ADARB2: variants seen among roughly 807,000 people sequenced by gnomAD.
The protein encoded by ADARB2 is adenosine deaminase RNA specific B2 (inactive).
A neutral mutation model predicts 62.2 loss-of-function variants in ADARB2; 25 were observed. The observed-to-expected ratio is 0.40, with a 90% CI of 0.29 to 0.56. ADARB2 has a LOEUF of 0.56. ADARB2 is among the 20% of genes least tolerant of loss of function. ADARB2 has a pLI of 0.43. For synonymous variants in ADARB2, 572 were observed against 500.8 expected (o/e 1.14, Z -1.90); for missense variants, 1,071 against 1,077.4 (o/e 0.99, Z 0.08).
chr10:1,551,775 G>A (rs533134101), intron 1 of ADARB2, among the ~76,000 whole-genome samples: 1 of 152,210 alleles, frequency 6.6e-6, no homozygotes, highest in Non-Finnish European at 1.5e-5. Context: ...TGGCCAAATC[G>A]AAGGTCCTGC....
At chr10:1,443,551 G>T (rs1159703368) in intron 1 of ADARB2, among the ~76,000 whole-genome samples, 2 of 152,112 alleles carry the variant, frequency 1.3e-5, no homozygotes, top group African/African-American at 2.4e-5. Context: ...TCGCCTCTGT[G>T]TGTGGGACCA....
At chr10:1,581,826 ATGTGTG>A (rs56180704) in intron 1 of ADARB2, among the ~76,000 whole-genome samples, 7,493 of 148,314 alleles carry the variant, frequency 0.051, 227 homozygotes, top group Admixed American at 0.06. Context: ...TTAGAAATAG[ATGTGTG>A]TGTGTGTGTG....
At chr10:1,538,771 G>T (rs547486120) in intron 1 of ADARB2, among the ~76,000 whole-genome samples, 3 of 152,354 alleles carry the variant, frequency 2.0e-5, no homozygotes, top group East Asian at 3.9e-4. Context: ...CAGGAACTCA[G>T]CAGAAATCAG....
intron 3 of ADARB2, among the ~76,000 whole-genome samples, chr10:1,332,476 G>GTTT (rs759566790): frequency 0.011 from 1,368 of 130,248 alleles, 24 homozygotes; most frequent in Middle Eastern, 0.046. Context: ...ACTAGCATCA[G>GTTT]TTTTGTTTTT....
chr10:1,227,080 T>C (rs7092481), intron 6 of ADARB2, among the ~76,000 whole-genome samples: 120,797 of 152,258 alleles, frequency 0.79, 48,161 homozygotes, highest in African/African-American at 0.88. Flanking sequence ...GCTTTGTTTA[T>C]CTAATCAAAC....
chr10:1,691,114 G>A (rs1834667023), intron 1 of ADARB2, among the ~76,000 whole-genome samples: 1 of 152,152 alleles, frequency 6.6e-6, no homozygotes, highest in Admixed American at 6.5e-5. Context: ...CCTTCAAAGA[G>A]GCAATTAAGT....
In ADARB2 at chr10:1,327,765, TCACAGCTCAGCGCCTCCC is replaced by T. The variant is rs1206596980; in HGVS notation, c.1077+35245_1077+35262del. On this transcript the variant is annotated intron_variant, in intron 3 of 9. Transcript: ENST00000381312. The stretch of plus-strand genomic sequence containing the variant: ...CAGCGCCTCACTGCACAGCGCCTCC[TCACAGCTCAGCGCCTCCC>T]CACAGCACAGCGCCTCCTCACAGTT... 1.8e-5 allele frequency among the ~76,000 whole-genome samples: 2 copies of T among 113,538 alleles called. 1 individual carries two copies. Among genetic ancestry groups the T allele is most frequent in the Non-Finnish European group, 3.8e-5 (2 of 52,918 alleles). 74.5% of individuals were successfully genotyped at this position (113,538 alleles called of 152,430 possible). A position where few individuals can be genotyped will look rare whatever the true frequency, so the allele number is the denominator to read the frequency against.
intron 1 of ADARB2, among the ~76,000 whole-genome samples, chr10:1,608,544 G>A (rs1304094491): frequency 6.7e-6 from 1 of 150,242 alleles, no homozygotes; most frequent in African/African-American, 2.5e-5. Flanking sequence ...AGGAAAGTGG[G>A]AAGGAAGAGA....
chr10:1,645,273 T>C (rs961076586), intron 1 of ADARB2, among the ~76,000 whole-genome samples: 1 of 152,240 alleles, frequency 6.6e-6, no homozygotes, highest in Non-Finnish European at 1.5e-5. Flanking sequence ...TACAGCCCAC[T>C]GGATGGGCTC....
At chr10:1,602,991 C>T (rs1233340420) in intron 1 of ADARB2, among the ~76,000 whole-genome samples, 1 of 150,724 alleles carries the variant, frequency 6.6e-6, no homozygotes, top group East Asian at 1.9e-4. Context: ...CGTGCACACA[C>T]ACCAACACAC....
chr10:1,414,435 C>T (rs956349976), intron 1 of ADARB2, among the ~76,000 whole-genome samples: 2 of 152,188 alleles, frequency 1.3e-5, no homozygotes, highest in African/African-American at 4.8e-5. Flanking sequence ...GGATAGAATC[C>T]AGGGCTCGTG....
At chr10:1,586,729 T>C (rs189161244) in intron 1 of ADARB2, among the ~76,000 whole-genome samples, 2 of 152,330 alleles carry the variant, frequency 1.3e-5, no homozygotes, top group East Asian at 3.9e-4. Context: ...GATTATTTAA[T>C]GTCAGTGGAA....
chr10:1,529,756 G>A lies in ADARB2; in HGVS notation c.101-150596C>T, dbSNP rs554095013. Among the ~76,000 whole-genome samples, 529 of 152,316 alleles carry A rather than the reference G, an allele frequency of 3.5e-3. 3 individuals carry two copies. Among genetic ancestry groups the A allele is most frequent in the Non-Finnish European group, 4.9e-3 (331 of 68,028 alleles). On this transcript the variant is annotated intron_variant, in intron 1 of 9. Coordinates refer to ENST00000381312, the MANE Select transcript of ADARB2 (RefSeq NM_018702.4). ...AGAAACTATTGGTTGTGAGACTTGC[G>A]GGCAGTGCTGCTGCATGTAGAGGGC...
chr10:1,613,264 ATG>A (rs1833593124), intron 1 of ADARB2, among the ~76,000 whole-genome samples: 1 of 152,248 alleles, frequency 6.6e-6, no homozygotes, highest in Non-Finnish European at 1.5e-5. Context: ...CATGCCTGAA[ATG>A]TGTGTCTTGT....
intron 2 of ADARB2, among the ~76,000 whole-genome samples, chr10:1,364,192 A>G (rs1832293100): frequency 6.6e-6 from 1 of 152,172 alleles, no homozygotes; most frequent in Admixed American, 6.5e-5. Context: ...TGTGTCTCAC[A>G]AACAGACAAG....
chr10:1,370,485 A>C (rs1475644536), intron 2 of ADARB2, among the ~76,000 whole-genome samples: 1 of 152,246 alleles, frequency 6.6e-6, no homozygotes, highest in African/African-American at 2.4e-5. Context: ...AAGACATCCA[A>C]ATTGGAAAAG....
chr10:1,411,268 G>T (rs1456458290), intron 1 of ADARB2, among the ~76,000 whole-genome samples: 2 of 152,202 alleles, frequency 1.3e-5, no homozygotes, highest in African/African-American at 4.8e-5. Flanking sequence ...GCACAGGTGC[G>T]TCCGTGAGGC....
At chr10:1,303,497 G>A (rs993869034) in intron 3 of ADARB2, among the ~76,000 whole-genome samples, 1 of 152,142 alleles carries the variant, frequency 6.6e-6, no homozygotes, top group African/African-American at 2.4e-5. Flanking sequence ...AGCAAGGCAG[G>A]CCAACGTTCA....
At chr10:1,195,767 A>G (rs796495496) in intron 8 of ADARB2, among the ~76,000 whole-genome samples, 57 of 152,216 alleles carry the variant, frequency 3.7e-4, no homozygotes, top group African/African-American at 1.3e-3. Flanking sequence ...GAGGCTTTCT[A>G]GCCCCCGAGC....
Sources: allele counts gnomAD v4.1 joint callset (sites outside exome capture counted in the v4.1 genomes callset), GRCh38; gene constraint gnomAD v4.1.1; transcripts MANE v1.5; gene names NCBI Gene and HGNC (gene_info 2026-07-23, HGNC 2026-07-21).